TMCO5A: variants seen among roughly 807,000 people sequenced by gnomAD.
TMCO5A encodes transmembrane and coiled-coil domains 5A, also known as transmembrane and coiled-coil domain-containing protein 5A.
In TMCO5A, 34 loss-of-function variants were observed where a neutral mutation model predicts 42.3. That is an observed-to-expected ratio of 0.80 (90% CI 0.61 to 1.07). The LOEUF (loss-of-function observed/expected upper bound fraction) is 1.07, where lower values mean the gene tolerates loss of function less well. Among genes scored for constraint, TMCO5A ranks in the 50% least tolerant of loss-of-function variants. The pLI is 0.00. For missense variants in TMCO5A, 357 were observed against 327.9 expected, an observed-to-expected ratio of 1.09 and a Z score of -0.69; for synonymous variants, 131 against 115.6, an observed-to-expected ratio of 1.13 and a Z score of -0.86.
the TMCO5A span, among the ~76,000 whole-genome samples, chr15:38,038,731 C>A: frequency 6.6e-6 from 1 of 152,108 alleles, no homozygotes; most frequent in Non-Finnish European, 1.5e-5. Flanking sequence ...TTCAGTGATG[C>A]TTGAAACTTT....
chr15:37,937,048 G>C lies in TMCO5A; in HGVS notation c.264+78G>C, dbSNP rs959946590. On this transcript the variant is annotated intron_variant, in intron 4 of 11. Coordinates refer to ENST00000319669, the MANE Select transcript of TMCO5A (RefSeq NM_152453.4). The stretch of plus-strand genomic sequence containing the variant: ...CCTTCATCAATTATCAGATAAGCTT[G>C]TCTCTCCTTTTTATACATGAACAGT... The C allele has an allele frequency of 1.9e-6, 3 of 1,576,004 alleles. No homozygotes were observed. In the African/African-American group the frequency reaches 4.1e-5, roughly 21 times the overall value.
chr15:37,963,499 T>G (rs977563672), intron 11 of TMCO5A, among the ~76,000 whole-genome samples: 1 of 152,200 alleles, frequency 6.6e-6, no homozygotes, highest in Non-Finnish European at 1.5e-5. Context: ...GAAAGTTCCA[T>G]GTGCTGTTGA....
At chr15:37,936,244 C>A (rs576819218) in intron 2 of TMCO5A, 70 bp from the exon 3 acceptor site, 5 of 1,523,158 alleles carry the variant, frequency 3.3e-6, no homozygotes, top group Admixed American at 2.1e-5. Flanking sequence ...TTCTAAATAC[C>A]CTTTTTGGCC....
chr15:38,040,359 A>G, the TMCO5A span: 2 of 152,192 alleles, frequency 1.3e-5, no homozygotes, highest in Non-Finnish European at 2.9e-5. Flanking sequence ...CCAGGCTGCA[A>G]GTCTTGGAGG....
At chr15:38,017,795 C>A in the TMCO5A span, among the ~76,000 whole-genome samples, 2 of 152,240 alleles carry the variant, frequency 1.3e-5, no homozygotes, top group South Asian at 4.2e-4. Context: ...CAAGTCTTAT[C>A]TCCAATTGTA....
chr15:38,027,584 C>T, the TMCO5A span, among the ~76,000 whole-genome samples: 1 of 152,050 alleles, frequency 6.6e-6, no homozygotes, highest in Non-Finnish European at 1.5e-5. Context: ...CTTTGGGGGA[C>T]TGTTGGAAGG....
At chr15:38,025,202 G>GT in the TMCO5A span, among the ~76,000 whole-genome samples, 1,140 of 141,402 alleles carry the variant, frequency 8.1e-3, 4 homozygotes, top group Non-Finnish European at 0.012. Context: ...TGTGTGTGTG[G>GT]AAGCAGAAAA....
chr15:37,951,129 C>A lies in TMCO5A; in HGVS notation c.762C>A (p.Leu254=), dbSNP rs543355757. The change falls in exon 12 of 12, where the codon CTC becomes CTA. Residue 254 remains leucine (L), a synonymous_variant. Transcript: ENST00000319669. The stretch of plus-strand genomic sequence containing the variant: ...TAAGATTCATAAATCCAGATCTCCT[C>A]GTCAATGTACTGCCCAAGGTACTGG... ...FHVRFINPDL[L]VNVLPKVLGR... 6.2e-7 allele frequency: 1 copy of A among 1,613,724 alleles called. No homozygotes were observed. Among genetic ancestry groups the A allele is most frequent in the South Asian group, 1.1e-5 (1 of 91,064 alleles).
At chr15:37,983,686 C>T in the TMCO5A span, among the ~76,000 whole-genome samples, 1 of 151,940 alleles carries the variant, frequency 6.6e-6, no homozygotes, top group Non-Finnish European at 1.5e-5. Context: ...GAATAAGATC[C>T]CAGTCTTGTG....
At chr15:37,961,856 T>C (rs891621421) in intron 11 of TMCO5A, among the ~76,000 whole-genome samples, 4 of 151,884 alleles carry the variant, frequency 2.6e-5, no homozygotes, top group Admixed American at 1.3e-4. Flanking sequence ...TGTTGGTATA[T>C]AGAAGAGCTA....
At chr15:38,020,291 G>A in the TMCO5A span, 3 of 152,100 alleles carry the variant, frequency 2.0e-5, no homozygotes, top group African/African-American at 7.2e-5. Context: ...AACACAGGAT[G>A]TATTTTAAAA....
chr15:37,964,051 A>AT (rs377345981), intron 11 of TMCO5A, among the ~76,000 whole-genome samples: 1 of 151,882 alleles, frequency 6.6e-6, no homozygotes, highest in Non-Finnish European at 1.5e-5. Flanking sequence ...AACTAGTGTG[A>AT]TTTTGGGGGG....
chr15:37,978,460 G>A, the TMCO5A span, among the ~76,000 whole-genome samples: 11 of 152,186 alleles, frequency 7.2e-5, no homozygotes, highest in African/African-American at 2.7e-4. Context: ...ACCCTGCCTG[G>A]TGAAGACTAG....
At chr15:37,974,157 G>C in the TMCO5A span, among the ~76,000 whole-genome samples, 6,038 of 152,194 alleles carry the variant, frequency 0.04, 164 homozygotes, top group Non-Finnish European at 0.06. Flanking sequence ...GCTGGATTTT[G>C]TTTGCTGATA....
At chr15:37,998,731 G>T in the TMCO5A span, among the ~76,000 whole-genome samples, 1 of 151,862 alleles carries the variant, frequency 6.6e-6, no homozygotes, top group Non-Finnish European at 1.5e-5. Context: ...TATTTCTGTG[G>T]TGAATGTCAT....
the TMCO5A span, among the ~76,000 whole-genome samples, chr15:37,991,821 T>C: frequency 2.0e-5 from 3 of 152,174 alleles, no homozygotes; most frequent in Non-Finnish European, 2.9e-5. Context: ...AGATTGAAAC[T>C]GAACCCGTTG....
At chr15:37,963,987 T>C (rs1390274670) in intron 11 of TMCO5A, among the ~76,000 whole-genome samples, 1 of 152,168 alleles carries the variant, frequency 6.6e-6, no homozygotes, top group Non-Finnish European at 1.5e-5. Flanking sequence ...CCTCCTGAAT[T>C]CTTTTTCAGG....
the TMCO5A span, among the ~76,000 whole-genome samples, chr15:38,013,777 T>A: frequency 6.6e-6 from 1 of 152,244 alleles, no homozygotes; most frequent in Non-Finnish European, 1.5e-5. Flanking sequence ...CAATTTATAC[T>A]GTTACTATAG....
the TMCO5A span, among the ~76,000 whole-genome samples, chr15:38,033,502 T>C: frequency 1.3e-5 from 2 of 152,196 alleles, no homozygotes; most frequent in Non-Finnish European, 2.9e-5. Flanking sequence ...AATCACAAAA[T>C]AGCCTTTCTC....
Sources: allele counts gnomAD v4.1 joint callset (sites outside exome capture counted in the v4.1 genomes callset), GRCh38; gene constraint gnomAD v4.1.1; transcripts MANE v1.5; gene names NCBI Gene and HGNC (gene_info 2026-07-23, HGNC 2026-07-21).